The following GPM6B variants were observed in gnomAD, a reference collection of about 807,000 sequenced individuals.
GPM6B encodes glycoprotein M6B.
GPM6B carries 4 observed loss-of-function variants against 27.2 expected under a neutral mutation model. That is an observed-to-expected ratio of 0.15 (90% CI 0.07 to 0.34). The LOEUF (loss-of-function observed/expected upper bound fraction) is 0.34, where lower values mean the gene tolerates loss of function less well. Among genes scored for constraint, GPM6B ranks in the 10% least tolerant of loss-of-function variants. The probability of loss-of-function intolerance (pLI) is 1.00; values close to 1 mark genes in which losing one functional copy is unlikely to be tolerated. For missense variants in GPM6B, 183 were observed against 261.9 expected, an observed-to-expected ratio of 0.70 and a Z score of 2.08; for synonymous variants, 124 against 103.1, an observed-to-expected ratio of 1.20 and a Z score of -1.23.
At chrX:13,886,732 A>AAAAAAAAAAAAAAAAAAAAAAAAAAAAC in intron 1 of GPM6B, among the ~76,000 whole-genome samples, 1 of 102,915 alleles carries the variant, frequency 9.7e-6, no homozygotes, top group Non-Finnish European at 2.0e-5. Flanking sequence ...AAAAAAAAAA[A>AAAAAAAAAAAAAAAAAAAAAAAAAAAAC]AAAAAAAAAA....
At chrX:13,824,807 A>C (rs2049352684) in intron 1 of GPM6B, among the ~76,000 whole-genome samples, 1 of 112,366 alleles carries the variant, frequency 8.9e-6, no homozygotes. Flanking sequence ...TGGGGCTGCC[A>C]GAACAAAGTA....
intron 1 of GPM6B, among the ~76,000 whole-genome samples, chrX:13,836,826 T>C (rs1458250796): frequency 1.8e-5 from 2 of 112,779 alleles, no homozygotes; most frequent in African/African-American, 6.4e-5. Context: ...CAGGTCTTAA[T>C]AGCTGTTTGC....
intron 2 of GPM6B, among the ~76,000 whole-genome samples, chrX:13,799,187 C>T (rs2048870723): frequency 1.2e-5 from 1 of 86,172 alleles, no homozygotes; most frequent in South Asian, 5.4e-4. Context: ...ATTAGCCAAC[C>T]TAATTTTTTT....
chrX:13,918,686 T>C (rs2050450233), intron 1 of GPM6B, among the ~76,000 whole-genome samples: 1 of 111,851 alleles, frequency 8.9e-6, no homozygotes, highest in Non-Finnish European at 1.9e-5. Context: ...TGGCATCTGC[T>C]TGGCTTCTGG....
chrX:13,893,146 A>C (rs2050203090), intron 1 of GPM6B, among the ~76,000 whole-genome samples: 1 of 112,079 alleles, frequency 8.9e-6, no homozygotes. Flanking sequence ...CTAGACGGCC[A>C]TTTTATGATC....
At chrX:13,803,510 G>T (rs1249404910) in intron 2 of GPM6B, among the ~76,000 whole-genome samples, 2 of 111,924 alleles carry the variant, frequency 1.8e-5, no homozygotes, top group African/African-American at 6.5e-5. Context: ...AGAGCATTTT[G>T]GATTTGAGAG....
chrX:13,802,213 CACT>C (rs2048932780), intron 2 of GPM6B, among the ~76,000 whole-genome samples: 2 of 111,357 alleles, frequency 1.8e-5, no homozygotes, highest in Non-Finnish European at 3.8e-5. Flanking sequence ...GACCAGATGA[CACT>C]ACTTCTCAAA....
At chrX:13,807,364 T>C (rs113116234) in intron 2 of GPM6B, among the ~76,000 whole-genome samples, 2 of 111,577 alleles carry the variant, frequency 1.8e-5, no homozygotes, top group African/African-American at 6.5e-5. Flanking sequence ...CAAAGGCATA[T>C]CTCACTGTAC....
chrX:13,835,333 T>C lies in GPM6B; in HGVS notation c.-197-49525A>G, dbSNP rs2049483870. On this transcript the variant is annotated intron_variant, in intron 1 of 6. Transcript: ENST00000398361. ...TCAAGCTTAACTCTGCCAGCAAGAA[T>C]GGCCAATAAAAGCTGGAAGGGGCAG... is the stretch of plus-strand genomic sequence containing the variant. Among the ~76,000 whole-genome samples the C allele has an allele frequency of 2.7e-5, 3 of 112,119 alleles. No homozygotes were observed. In the Admixed American group the frequency reaches 2.8e-4, roughly 11 times the overall value.
chrX:13,787,947 G>A (rs1339241035), intron 2 of GPM6B, among the ~76,000 whole-genome samples: 1 of 111,890 alleles, frequency 8.9e-6, no homozygotes, highest in African/African-American at 3.3e-5. Flanking sequence ...GGGGCTGTGT[G>A]GTCCAAAATG....
intron 1 of GPM6B, among the ~76,000 whole-genome samples, chrX:13,873,909 G>A (rs938338489): frequency 1.8e-5 from 2 of 111,633 alleles, no homozygotes; most frequent in Non-Finnish European, 3.8e-5. Context: ...TCATTAAGCT[G>A]TACTTTGTCT....
At chrX:13,781,275 C>T (rs2147120560) in intron 4 of GPM6B, among the ~76,000 whole-genome samples, 1 of 111,532 alleles carries the variant, frequency 9.0e-6, no homozygotes, top group South Asian at 3.8e-4. Context: ...CAGTGAGTTC[C>T]TGGGCACAAA....
At chrX:13,777,869 G>A (rs1602970135) in intron 5 of GPM6B, among the ~76,000 whole-genome samples, 1 of 111,915 alleles carries the variant, frequency 8.9e-6, no homozygotes, top group East Asian at 2.8e-4. Flanking sequence ...GGTCTGCCAG[G>A]AGTTAAGTTC....
chrX:13,901,110 A>C (rs1362318896), intron 1 of GPM6B, among the ~76,000 whole-genome samples: 1 of 111,896 alleles, frequency 8.9e-6, no homozygotes, highest in Non-Finnish European at 1.9e-5. Flanking sequence ...GTTGAATGTA[A>C]ATCTGAACAT....
rs751447590 is a variant in GPM6B, at chrX:13,919,771, G to A, written c.-198+18556C>T. Among the ~76,000 whole-genome samples the A allele has an allele frequency of 4.1e-4, 46 of 111,214 alleles. No homozygotes were observed. The South Asian group carries it at 0.017, about 41-fold the overall frequency. ...AATTACCCAAACAGGAATACCATAC[G>A]CCTGCAGAAAAGAGAACACACAGAA... On this transcript the variant is annotated intron_variant, in intron 1 of 6. Transcript: ENST00000398361.
intron 1 of GPM6B, among the ~76,000 whole-genome samples, chrX:13,931,419 C>T (rs1450387884): frequency 1.0e-4 from 11 of 108,347 alleles, no homozygotes; most frequent in Non-Finnish European, 1.7e-4. Context: ...ACCCAGGAGG[C>T]AGAGCTTGCA....
chrX:13,910,340 T>A (rs183098135), intron 1 of GPM6B, among the ~76,000 whole-genome samples: 99 of 112,472 alleles, frequency 8.8e-4, no homozygotes, highest in African/African-American at 2.6e-3. Context: ...TCGGCATTTT[T>A]AAAGCTCTCT....
chrX:13,823,566 C>T (rs1447897876), intron 1 of GPM6B, among the ~76,000 whole-genome samples: 1 of 106,055 alleles, frequency 9.4e-6, no homozygotes, highest in Non-Finnish European at 1.9e-5. Context: ...GTTTCCCAGG[C>T]TGGAGTGCAG....
At chrX:13,851,214 G>A (rs1194994297) in intron 1 of GPM6B, among the ~76,000 whole-genome samples, 3 of 107,270 alleles carry the variant, frequency 2.8e-5, no homozygotes, top group Admixed American at 1.0e-4. Context: ...GTTCTACCTC[G>A]TAACTAATTC....
Sources: gnomAD v4.1 joint callset for allele counts (sites outside exome capture counted in the v4.1 genomes callset) on GRCh38, gnomAD v4.1.1 for gene constraint, MANE v1.5 for transcripts, NCBI Gene and HGNC (gene_info 2026-07-23, HGNC 2026-07-21) for gene names.